Variants in ZAR1L observed in about 807,000 individuals in gnomAD.
ZAR1L encodes zygote arrest 1 like, also known as protein ZAR1-like.
Under a neutral mutation model 30.0 loss-of-function variants are expected in ZAR1L, and 16 were observed. That is an observed-to-expected ratio of 0.53 (90% CI 0.36 to 0.81). The LOEUF (loss-of-function observed/expected upper bound fraction) is 0.81. ZAR1L is among the 30% of genes least tolerant of loss of function. The pLI is 0.00. For synonymous variants in ZAR1L, 197 were observed against 166.8 expected (o/e 1.18, Z -1.40); for missense variants, 392 against 417.2 (o/e 0.94, Z 0.53).
chr13:32,315,035 C>G (rs531974275), intron 1 of ZAR1L, among the ~76,000 whole-genome samples: 86 of 152,232 alleles, frequency 5.6e-4, no homozygotes, highest in African/African-American at 1.8e-3. Flanking sequence ...AATAACAGCC[C>G]CGCCCACTAC....
chr13:32,304,230 T>C (rs1232966262), intron 5 of ZAR1L, among the ~76,000 whole-genome samples: 2 of 152,182 alleles, frequency 1.3e-5, no homozygotes, highest in African/African-American at 4.8e-5. Context: ...TCACAGAAGA[T>C]ATTCAAGAGA....
chr13:32,307,316 T>C lies in ZAR1L; in HGVS notation c.822+1370A>G, dbSNP rs954546240. Reference sequence around the variant, plus strand: ...GAGTTTGAGACCAGCCTGGCCAACATAGTGAAACCCTGTCTGTACTAAAAA... The same window carrying C: ...GAGTTTGAGACCAGCCTGGCCAACACAGTGAAACCCTGTCTGTACTAAAAA... On this transcript the variant is annotated intron_variant, in intron 5 of 5. Transcript: ENST00000533490. 4.0e-5 allele frequency among the ~76,000 whole-genome samples: 6 copies of C among 151,714 alleles called. No individual in the cohort carries two copies. In the East Asian group the frequency reaches 9.7e-4, roughly 25 times the overall value.
At chr13:32,312,500 A>C (rs970043803) in intron 2 of ZAR1L, among the ~76,000 whole-genome samples, 1 of 152,228 alleles carries the variant, frequency 6.6e-6, no homozygotes, top group Non-Finnish European at 1.5e-5. Flanking sequence ...AAGTTATGGA[A>C]ACAATCTAAG....
At chr13:32,314,160 GT>G (rs1427299015) in intron 2 of ZAR1L, among the ~76,000 whole-genome samples, 169 bp downstream of exon 2, 2 of 152,318 alleles carry the variant, frequency 1.3e-5, no homozygotes, top group African/African-American at 4.8e-5. Flanking sequence ...CTCATAAAAT[GT>G]TTGGTAAGTG....
intron 2 of ZAR1L, among the ~76,000 whole-genome samples, chr13:32,313,707 T>G (rs2072229876): frequency 6.6e-6 from 1 of 152,142 alleles, no homozygotes; most frequent in South Asian, 2.1e-4. Flanking sequence ...ATATTGTAAA[T>G]TGAATACAAA....
intron 4 of ZAR1L, among the ~76,000 whole-genome samples, chr13:32,309,789 A>G (rs895327828): frequency 3.9e-5 from 6 of 152,166 alleles, no homozygotes; most frequent in African/African-American, 9.7e-5. Context: ...AATTAAACTC[A>G]TTTTTCTTCT....
At chr13:32,306,792 G>A (rs147129575) in intron 5 of ZAR1L, among the ~76,000 whole-genome samples, 61 of 152,060 alleles carry the variant, frequency 4.0e-4, no homozygotes, top group African/African-American at 1.3e-3. Context: ...TTAGCCGGGC[G>A]TGGTGGCATG....
Position 32,310,646 on chromosome 13 carries a change from G to A in ZAR1L, c.740C>T (p.Thr247Met), listed in dbSNP as rs1189393990. 3.9e-6 allele frequency: 6 copies of A among 1,548,980 alleles called. No homozygotes were observed. Among genetic ancestry groups the A allele is most frequent in the South Asian group, 1.2e-5 (1 of 84,014 alleles). Residue 247 changes from threonine (T) to methionine (M), a missense_variant, in exon 4 of 6, where the codon ACG becomes ATG. Coordinates refer to ENST00000533490, the MANE Select transcript of ZAR1L (RefSeq NM_001136571.2). ...CCTACTCTTTTTATTTACCTTGTTCGTTCCAGAAATGCACCACACGTAAGC... is the reference window on the plus strand; with the variant it reads ...CCTACTCTTTTTATTTACCTTGTTCATTCCAGAAATGCACCACACGTAAGC... Reference protein sequence around the residue: ...ESAYVWCISGTNKVYFKQLCC... With the variant: ...ESAYVWCISGMNKVYFKQLCC...
At chr13:32,306,556 T>C (rs2072176634) in intron 5 of ZAR1L, among the ~76,000 whole-genome samples, 1 of 152,130 alleles carries the variant, frequency 6.6e-6, no homozygotes, top group African/African-American at 2.4e-5. Flanking sequence ...ATAGAAACAA[T>C]GAAATTCAGA....
rs1454611134 is a variant in ZAR1L at position 32,311,301 on chromosome 13, A to G, written c.625T>C (p.Ser209Pro). 11 of 1,548,008 alleles carry G rather than the reference A, an allele frequency of 7.1e-6. No homozygotes were observed. The South Asian group carries it at 1.2e-4, about 17-fold the overall frequency. Residue 209 changes from serine (S) to proline (P), a missense_variant, in exon 3 of 6, where the codon TCC becomes CCC. Physicochemically the swap from Ser to Pro is moderately conservative, Grantham distance 74. Coordinates refer to ENST00000533490, the MANE Select transcript of ZAR1L (RefSeq NM_001136571.2). Reference sequence around the variant, plus strand: ...AAGTTGGGCCTCCGGAGCGGCTCGGAGGCGGCGTCTCCAGGCACCTGCTTG... The same window carrying G: ...AAGTTGGGCCTCCGGAGCGGCTCGGGGGCGGCGTCTCCAGGCACCTGCTTG... ...KSKQVPGDAA[S>P]EPLRRPNFQF... is the part of the protein sequence containing the mutation.
rs1039753785 is a variant in ZAR1L, at chr13:32,310,547, T to C, written c.747+92A>G. On this transcript the variant is annotated intron_variant, in intron 4 of 5. Transcript: ENST00000533490. Reference sequence around the variant, plus strand: ...TGCCACCAAGATCAAGACAGGACTATGACAGCCATGCTCCCTCAGGAATCA... The same window carrying C: ...TGCCACCAAGATCAAGACAGGACTACGACAGCCATGCTCCCTCAGGAATCA... 8 of 878,344 alleles carry C rather than the reference T, an allele frequency of 9.1e-6. No homozygotes were observed. The Admixed American group carries it at 9.1e-5, about 10-fold the overall frequency. 54.4% of individuals were successfully genotyped at this position (878,344 alleles called of 1,614,324 possible).
rs533146265 is a variant in ZAR1L, at chr13:32,303,837, C to A, written c.*42G>T. 6.5e-5 allele frequency: 100 copies of A among 1,531,972 alleles called. No homozygotes were observed. Among genetic ancestry groups the A allele is most frequent in the Middle Eastern group, 5.1e-4 (3 of 5,888 alleles). 94.9% of individuals were successfully genotyped at this position (1,531,972 alleles called of 1,614,324 possible). ...AAAAGGAAGACAGCACAGTAAGTTACAAGAAGAGCTCAGGGGTCCATTACA... is the reference window on the plus strand; with the variant it reads ...AAAAGGAAGACAGCACAGTAAGTTAAAAGAAGAGCTCAGGGGTCCATTACA... On this transcript the variant is annotated 3_prime_UTR_variant, in exon 6 of 6. Transcript: ENST00000533490.
chr13:32,310,674 T>C lies in ZAR1L; in HGVS notation c.712A>G (p.Ser238Gly), dbSNP rs2072206093. Residue 238 changes from serine to glycine, a missense_variant, in exon 4 of 6, where the codon AGT becomes GGT. Coordinates refer to ENST00000533490, the MANE Select transcript of ZAR1L (RefSeq NM_001136571.2). ...HCKDCKTRWESAYVWCISGTN... is the reference protein window; with the variant it reads ...HCKDCKTRWEGAYVWCISGTN... Reference sequence around the variant, plus strand: ...CCAGAAATGCACCACACGTAAGCACTCTCCCACCTGGTCTTACAATCTTTA... The same window carrying C: ...CCAGAAATGCACCACACGTAAGCACCCTCCCACCTGGTCTTACAATCTTTA... The C allele has an allele frequency of 2.6e-6, 4 of 1,551,622 alleles. No homozygotes were observed. In the East Asian group the frequency reaches 9.8e-5, roughly 38 times the overall value.
Position 32,311,845 on chromosome 13 carries a change from T to C in ZAR1L, c.81A>G (p.Ser27=). 6.4e-7 allele frequency: 1 copy of C among 1,551,722 alleles called. No homozygotes were observed. The highest frequency in any genetic ancestry group is 8.7e-7 in the Non-Finnish European group (1 of 1,147,012). The change falls in exon 3 of 6, where the codon TCA becomes TCG. Residue 27 remains serine, a synonymous_variant. Coordinates refer to ENST00000533490, the MANE Select transcript of ZAR1L (RefSeq NM_001136571.2). ...GCCTCCAGTCGGGCTGTTTGTGCCCTGAGAGTCCAGGCTGGCCCAAAGGCA... is the reference window on the plus strand; with the variant it reads ...GCCTCCAGTCGGGCTGTTTGTGCCCCGAGAGTCCAGGCTGGCCCAAAGGCA... ...STVPLGQPGL[S]GHKQPDWRQN... is the part of the protein sequence containing the mutation.
Position 32,311,914 on chromosome 13 carries a change from A to T in ZAR1L, c.12T>A (p.Phe4Leu). The change falls in exon 3 of 6, where the codon TTT becomes TTA. Residue 4 changes from phenylalanine (F) to leucine (L), a missense_variant. By Grantham distance (22) the Phe-to-Leu change is conservative. Transcript: ENST00000533490. MER[F>L]VRVPYGLYQG... is the part of the protein sequence containing the mutation. The stretch of plus-strand genomic sequence containing the variant: ...GGTACAAGCCATAGGGAACACGGAC[A>T]AAGCGCTCCATCCGCTCTCAGGTGC... The T allele has an allele frequency of 6.5e-7, 1 of 1,548,544 alleles. No individual in the cohort carries two copies.
intron 4 of ZAR1L, 83 bp from the exon 5 acceptor site, chr13:32,308,843 A>G (rs2072193792): frequency 1.1e-6 from 1 of 929,120 alleles, no homozygotes; most frequent in Non-Finnish European, 1.7e-6. Flanking sequence ...TAAGTAATCC[A>G]TTGCATCTTG....
At chr13:32,312,116 A>C in intron 2 of ZAR1L, 23 bp from the exon 3 acceptor site, 1 of 661,594 alleles carries the variant, frequency 1.5e-6, no homozygotes, top group Non-Finnish European at 2.4e-6. Flanking sequence ...GAGAAGCTCT[A>C]TCTACAGATG....
At chr13:32,310,912 G>A (rs910972038) in intron 3 of ZAR1L, among the ~76,000 whole-genome samples, 181 bp from the exon 4 acceptor site, 1 of 152,054 alleles carries the variant, frequency 6.6e-6, no homozygotes, top group African/African-American at 2.4e-5. Context: ...GATTCTTCTT[G>A]CTGCTGTCGT....
rs796927746 is a variant in ZAR1L at position 32,310,627 on chromosome 13, CTTTT to C, written c.747+8_747+11del. On this transcript the variant is annotated splice_region_variant and intron_variant, in intron 4 of 5. Coordinates refer to ENST00000533490, the MANE Select transcript of ZAR1L (RefSeq NM_001136571.2). ...CCCCATCCTCCTCTCACCTCCTACTCTTTTTATTTACCTTGTTCGTTCCAGAAAT... is the reference window on the plus strand; with the variant it reads ...CCCCATCCTCCTCTCACCTCCTACTCTATTTACCTTGTTCGTTCCAGAAAT... 4 of 1,539,120 alleles carry C rather than the reference CTTTT, an allele frequency of 2.6e-6. No individual in the cohort carries two copies. The African/African-American group carries it at 5.5e-5, about 21-fold the overall frequency.
Sources: gnomAD v4.1 joint callset for allele counts (sites outside exome capture counted in the v4.1 genomes callset) on GRCh38, gnomAD v4.1.1 for gene constraint, MANE v1.5 for transcripts, NCBI Gene and HGNC (gene_info 2026-07-23, HGNC 2026-07-21) for gene names.